The following DOP1A variants were observed in gnomAD, a reference collection of about 807,000 sequenced individuals.
The protein encoded by DOP1A is DOP1 leucine zipper like protein A.
A neutral mutation model predicts 267.6 loss-of-function variants in DOP1A; 90 were observed. That is an observed-to-expected ratio of 0.34 (90% confidence interval 0.28 to 0.40). The LOEUF (loss-of-function observed/expected upper bound fraction) is 0.40, where lower values mean the gene tolerates loss of function less well. Ranked by LOEUF, DOP1A falls within the 10% of genes least tolerant of loss-of-function variation. DOP1A has a pLI of 1.00. For synonymous variants in DOP1A, 932 were observed against 999.1 expected (o/e 0.93, Z 1.27); for missense variants, 2,437 against 2,900.4 (o/e 0.84, Z 3.67).
chr6:83,152,626 T>C (rs975390247), intron 30 of DOP1A, among the ~76,000 whole-genome samples: 3 of 150,660 alleles, frequency 2.0e-5, no homozygotes, highest in African/African-American at 4.9e-5. Flanking sequence ...TTTTCTTTTT[T>C]TTTTTTTTTT....
At chr6:83,120,322 G>A (rs967225794) in intron 9 of DOP1A, among the ~76,000 whole-genome samples, 7 of 151,850 alleles carry the variant, frequency 4.6e-5, no homozygotes, top group African/African-American at 1.4e-4. Context: ...AGTCACTAAC[G>A]GGAAAATAAT....
intron 37 of DOP1A, 71 bp from the exon 38 acceptor site, chr6:83,162,719 C>T: frequency 6.7e-7 from 1 of 1,498,866 alleles, no homozygotes; most frequent in Non-Finnish European, 9.0e-7. Flanking sequence ...CTTTCTACTA[C>T]ATTATGTGGC....
chr6:83,161,909 C>G (rs1784325298), intron 37 of DOP1A, among the ~76,000 whole-genome samples: 2 of 152,160 alleles, frequency 1.3e-5, no homozygotes, highest in African/African-American at 4.8e-5. Flanking sequence ...TTTGTAAGTG[C>G]AAGAAGTTGG....
In DOP1A at chr6:83,125,735, T is replaced by A; in HGVS notation, c.1719+2T>A. 6.2e-7 allele frequency: 1 copy of A among 1,604,282 alleles called. No individual in the cohort carries two copies. The highest frequency in any genetic ancestry group is 8.5e-7 in the Non-Finnish European group (1 of 1,171,976). ...GTCAAAGAGTGGGAAGACAAAAAGG[T>A]AATTTTAACTATTATTTTTGGTATT... On this transcript the variant is annotated splice_donor_variant, in intron 15 of 38. Coordinates refer to ENST00000349129, the MANE Select transcript of DOP1A (RefSeq NM_015018.4). LOFTEE classifies it high-confidence loss of function.
At chr6:83,155,336 A>C (rs1404446694) in intron 33 of DOP1A, among the ~76,000 whole-genome samples, 3 of 151,834 alleles carry the variant, frequency 2.0e-5, no homozygotes, top group African/African-American at 7.3e-5. Context: ...CAAATGTGGT[A>C]TGTACCTGTA....
In DOP1A at chr6:83,141,979, A is replaced by G. The variant is rs1414536237; in HGVS notation, c.5474A>G (p.His1825Arg). ...CCCATTTCAATGAATCATGGTGTTC[A>G]CTTTATGGCTGCCATTGCATTTGTG... is the stretch of plus-strand genomic sequence containing the variant. ...LGPISMNHGVHFMAAIAFVWN... is the reference protein window; with the variant it reads ...LGPISMNHGVRFMAAIAFVWN... Residue 1825 changes from histidine (H) to arginine (R), a missense_variant, in exon 24 of 39, where the codon CAC becomes CGC. Coordinates refer to ENST00000349129, the MANE Select transcript of DOP1A (RefSeq NM_015018.4). The G allele has an allele frequency of 2.5e-6, 4 of 1,612,944 alleles. No individual in the cohort carries two copies. The highest frequency in any genetic ancestry group is 2.7e-5 in the African/African-American group (2 of 74,966).
At chr6:83,104,771 T>C (rs554753659) in intron 4 of DOP1A, among the ~76,000 whole-genome samples, 7 of 152,280 alleles carry the variant, frequency 4.6e-5, no homozygotes, top group Admixed American at 1.3e-4. Flanking sequence ...CTGTTATCTT[T>C]GTAGCATGTA....
chr6:83,075,776 A>G (rs1766984587), intron 1 of DOP1A, among the ~76,000 whole-genome samples: 3 of 152,200 alleles, frequency 2.0e-5, no homozygotes, highest in Admixed American at 6.5e-5. Flanking sequence ...AGTGTTGGGA[A>G]AAACTGATAT....
chr6:83,080,434 C>G (rs954655270), intron 1 of DOP1A, among the ~76,000 whole-genome samples: 2 of 151,924 alleles, frequency 1.3e-5, no homozygotes, highest in Admixed American at 1.3e-4. Context: ...TCATTTTGTC[C>G]CCTCATAACT....
chr6:83,157,406 T>G, intron 35 of DOP1A, 88 bp downstream of exon 35: 15 of 1,393,458 alleles, frequency 1.1e-5, no homozygotes, highest in Non-Finnish European at 1.5e-5. Flanking sequence ...TTAACGAATA[T>G]TGGGAGAGAA....
intron 4 of DOP1A, among the ~76,000 whole-genome samples, chr6:83,102,302 C>T (rs1249373091): frequency 1.3e-5 from 2 of 152,202 alleles, no homozygotes; most frequent in Admixed American, 6.5e-5. Context: ...TGTACACAGT[C>T]TGTTGTTCAG....
chr6:83,080,222 T>A (rs760311213), intron 1 of DOP1A, among the ~76,000 whole-genome samples: 1 of 152,164 alleles, frequency 6.6e-6, no homozygotes, highest in African/African-American at 2.4e-5. Context: ...TAGAAAGATA[T>A]GTTTGAAAAA....
At chr6:83,110,405 A>G (rs1472004433) in intron 6 of DOP1A, 91 bp downstream of exon 6, 1 of 1,248,544 alleles carries the variant, frequency 8.0e-7, no homozygotes, top group East Asian at 2.6e-5. Context: ...TATAATGAAC[A>G]AAGTTCCTAT....
At chr6:83,165,823 C>A (rs533094681) in intron 38 of DOP1A, 96 of 315,282 alleles carry the variant, frequency 3.0e-4, no homozygotes, top group African/African-American at 2.0e-3. Context: ...TTCTGGTGGC[C>A]AATGCCGGCT....
chr6:83,089,862 T>G (rs1430798076), intron 1 of DOP1A, among the ~76,000 whole-genome samples: 1 of 152,162 alleles, frequency 6.6e-6, no homozygotes, highest in Non-Finnish European at 1.5e-5. Flanking sequence ...GAATCTTGAT[T>G]GTGGTGATGG....
rs758426038 is a variant in DOP1A at position 83,138,356 on chromosome 6, C to T, written c.4314C>T (p.His1438=). The T allele has an allele frequency of 2.5e-6, 4 of 1,611,054 alleles. No homozygotes were observed. The African/African-American group carries it at 4.0e-5, about 16-fold the overall frequency. ...ISVMGKDFYS[H]IPVDSNHNFR... ...TTATGGGCAAAGATTTTTATAGTCA[C>T]ATTCCAGTGGACTCAAATCATAACT... The change falls in exon 21 of 39, where the codon CAC becomes CAT. Residue 1438 remains histidine, a synonymous_variant. Transcript: ENST00000349129.
At chr6:83,140,482 A>C (rs1196868773) in intron 23 of DOP1A, 79 bp downstream of exon 23, 2 of 1,195,832 alleles carry the variant, frequency 1.7e-6, no homozygotes, top group Non-Finnish European at 2.3e-6. Flanking sequence ...ATATGTGAAT[A>C]ATTTGTGTAG....
intron 34 of DOP1A, among the ~76,000 whole-genome samples, 167 bp from the exon 35 acceptor site, chr6:83,157,015 T>C (rs1314213366): frequency 6.6e-6 from 1 of 152,216 alleles, no homozygotes; most frequent in Non-Finnish European, 1.5e-5. Context: ...CTTTGTTTAA[T>C]TGGAGTTCTC....
At chr6:83,158,401 T>A (rs978996565) in intron 35 of DOP1A, among the ~76,000 whole-genome samples, 166 bp from the exon 36 acceptor site, 1 of 152,150 alleles carries the variant, frequency 6.6e-6, no homozygotes, top group East Asian at 1.9e-4. Flanking sequence ...CAAGGCTCTG[T>A]GTGGCTAAAT....
Sources: allele counts gnomAD v4.1 joint callset (sites outside exome capture counted in the v4.1 genomes callset), GRCh38; gene constraint gnomAD v4.1.1; transcripts MANE v1.5; gene names NCBI Gene and HGNC (gene_info 2026-07-23, HGNC 2026-07-21).